DPP6: variants seen among roughly 807,000 people sequenced by gnomAD.
DPP6 encodes dipeptidyl peptidase like 6.
DPP6 carries 69 observed loss-of-function variants against 122.6 expected under a neutral mutation model. That is an observed-to-expected ratio of 0.56 (90% CI 0.46 to 0.69). DPP6 has a LOEUF of 0.69. DPP6 is among the 30% of genes least tolerant of loss of function. The pLI is 0.00. For missense variants in DPP6, 928 were observed against 1,116.9 expected (o/e 0.83, Z 2.41); for synonymous variants, 418 against 433.1 (o/e 0.97, Z 0.43).
intron 8 of DPP6, among the ~76,000 whole-genome samples, chr7:154,739,658 C>G (rs1842727036): frequency 8.1e-6 from 1 of 123,106 alleles, no homozygotes; most frequent in South Asian, 3.2e-4. Flanking sequence ...GCAAGGAGAG[C>G]CATCAGAACC....
At chr7:154,156,593 G>A (rs1253159233) in intron 1 of DPP6, among the ~76,000 whole-genome samples, 6 of 152,200 alleles carry the variant, frequency 3.9e-5, no homozygotes, top group Non-Finnish European at 8.8e-5. Flanking sequence ...TTCATAGAAA[G>A]TAAATTTCAA....
intron 1 of DPP6, among the ~76,000 whole-genome samples, chr7:154,298,180 C>T (rs1042508378): frequency 2.0e-5 from 3 of 152,110 alleles, no homozygotes; most frequent in Admixed American, 6.6e-5. Flanking sequence ...AACTCTTCCC[C>T]GGGTTTCCAG....
chr7:154,006,653 G>A (rs1359320113), intron 1 of DPP6, among the ~76,000 whole-genome samples: 1 of 152,124 alleles, frequency 6.6e-6, no homozygotes, highest in Non-Finnish European at 1.5e-5. Context: ...TTACCTATCT[G>A]TGCTCTGCTT....
At chr7:154,304,256 C>T (rs1174222195) in intron 1 of DPP6, among the ~76,000 whole-genome samples, 1 of 152,228 alleles carries the variant, frequency 6.6e-6, no homozygotes, top group Non-Finnish European at 1.5e-5. Flanking sequence ...GAGTGCCAGG[C>T]CTCTGGGCAC....
chr7:154,597,935 G>A (rs1338230299), intron 5 of DPP6, among the ~76,000 whole-genome samples: 3 of 152,158 alleles, frequency 2.0e-5, no homozygotes, highest in Non-Finnish European at 2.9e-5. Flanking sequence ...TGTTTACACC[G>A]ACACCAGTCA....
At chr7:154,720,221 C>A (rs1030316681) in intron 7 of DPP6, among the ~76,000 whole-genome samples, 1 of 152,172 alleles carries the variant, frequency 6.6e-6, no homozygotes, top group South Asian at 2.1e-4. Context: ...AGGGAACACA[C>A]CTGTGCTATG....
chr7:154,784,074 T>G (rs193033998), intron 10 of DPP6, among the ~76,000 whole-genome samples: 91 of 152,266 alleles, frequency 6.0e-4, no homozygotes, highest in African/African-American at 2.0e-3. Flanking sequence ...ACTGGGACTT[T>G]CCTGCTTGGA....
intron 17 of DPP6, among the ~76,000 whole-genome samples, chr7:154,866,091 C>T (rs189558357): frequency 4.6e-5 from 7 of 152,262 alleles, no homozygotes; most frequent in East Asian, 3.9e-4. Flanking sequence ...GAGGAGGTAA[C>T]GCTTGCGTTG....
intron 1 of DPP6, among the ~76,000 whole-genome samples, chr7:154,198,010 G>A (rs1408488380): frequency 1.3e-5 from 2 of 152,186 alleles, no homozygotes; most frequent in African/African-American, 4.8e-5. Flanking sequence ...TCTGGGCAGG[G>A]AGCAGAACCA....
chr7:154,267,310 T>C (rs180762657), intron 1 of DPP6, among the ~76,000 whole-genome samples: 88 of 147,874 alleles, frequency 6.0e-4, no homozygotes, highest in African/African-American at 2.1e-3. Context: ...TAATTCACAA[T>C]AATATATTAC....
At chr7:154,674,378 CCTTGTT>C (rs1838759494) in intron 7 of DPP6, among the ~76,000 whole-genome samples, 1 of 152,180 alleles carries the variant, frequency 6.6e-6, no homozygotes, top group Admixed American at 6.5e-5. Flanking sequence ...CGGTGGCCTT[CCTTGTT>C]CTTGGCACAT....
chr7:154,766,624 A>T (rs1181700349), intron 8 of DPP6, among the ~76,000 whole-genome samples: 1 of 152,020 alleles, frequency 6.6e-6, no homozygotes, highest in Non-Finnish European at 1.5e-5. Context: ...ACATTTGGTA[A>T]CCTGTAGTGA....
At chr7:153,928,929 G>A (rs142729228) in intron 1 of DPP6, among the ~76,000 whole-genome samples, 4 of 152,236 alleles carry the variant, frequency 2.6e-5, no homozygotes, top group Non-Finnish European at 4.4e-5. Flanking sequence ...AAGTCTCCCC[G>A]CACGTCGATT....
intron 1 of DPP6, among the ~76,000 whole-genome samples, chr7:154,147,750 G>A (rs978139817): frequency 5.9e-5 from 9 of 151,608 alleles, no homozygotes; most frequent in African/African-American, 2.2e-4. Flanking sequence ...CACCATGTTG[G>A]CCAGGCTGGT....
chr7:153,855,322 T>A, the DPP6 span, among the ~76,000 whole-genome samples: 1 of 152,198 alleles, frequency 6.6e-6, no homozygotes, highest in Non-Finnish European at 1.5e-5. Flanking sequence ...TCCTTGCTTT[T>A]CCATATGGAT....
chr7:154,389,078 G>A (rs946462727), intron 1 of DPP6, among the ~76,000 whole-genome samples: 3 of 152,084 alleles, frequency 2.0e-5, no homozygotes, highest in African/African-American at 4.8e-5. Context: ...TACCGTCCCC[G>A]CAGTGAGCAC....
At chr7:154,033,264 T>G (rs1326210808) in intron 1 of DPP6, among the ~76,000 whole-genome samples, 2 of 152,240 alleles carry the variant, frequency 1.3e-5, no homozygotes. Flanking sequence ...ATATACATAC[T>G]TGGCTTATGT....
At chr7:154,196,491 AAAAAC>A (rs1798875016) in intron 1 of DPP6, among the ~76,000 whole-genome samples, 1 of 152,342 alleles carries the variant, frequency 6.6e-6, no homozygotes, top group South Asian at 2.1e-4. Flanking sequence ...CTCTGTCTCA[AAAAAC>A]AAAACAAAAC....
intron 5 of DPP6, among the ~76,000 whole-genome samples, chr7:154,608,320 C>CATATATATAT (rs35662023): frequency 0.019 from 1,733 of 89,904 alleles, 138 homozygotes; most frequent in Non-Finnish European, 0.032. Flanking sequence ...TAGGAGTGAT[C>CATATATATAT]ATATATATAT....
Sources: allele counts gnomAD v4.1 joint callset (sites outside exome capture counted in the v4.1 genomes callset), GRCh38; gene constraint gnomAD v4.1.1; transcripts MANE v1.5; gene names NCBI Gene and HGNC (gene_info 2026-07-23, HGNC 2026-07-21).